The following CCSER2 variants were observed in gnomAD, a reference collection of about 807,000 sequenced individuals.
CCSER2 encodes the protein coiled-coil serine rich protein 2.
CCSER2 carries 46 observed loss-of-function variants against 92.3 expected under a neutral mutation model. That is an observed-to-expected ratio of 0.50 (90% CI 0.39 to 0.64). CCSER2 has a LOEUF of 0.64. CCSER2 is among the 30% of genes least tolerant of loss of function. The probability of loss-of-function intolerance (pLI) is 0.00; values close to 1 mark genes in which losing one functional copy is unlikely to be tolerated. For missense variants in CCSER2, 1,244 were observed against 1,238.9 expected (o/e 1.00, Z -0.06); for synonymous variants, 433 against 431.4 (o/e 1.00, Z -0.04).
At chr10:84,431,646 G>T (rs946445883) in intron 5 of CCSER2, among the ~76,000 whole-genome samples, 14 of 152,016 alleles carry the variant, frequency 9.2e-5, no homozygotes, top group Admixed American at 7.2e-4. Flanking sequence ...GGAGGCTGAG[G>T]TGGGGGGATC....
intron 6 of CCSER2, among the ~76,000 whole-genome samples, chr10:84,446,975 G>A (rs1479296242): frequency 2.7e-5 from 4 of 150,504 alleles, no homozygotes; most frequent in African/African-American, 9.8e-5. Flanking sequence ...ATCTATGAAC[G>A]AAACATAATA....
intron 3 of CCSER2, among the ~76,000 whole-genome samples, chr10:84,385,741 A>G (rs1035312488): frequency 3.3e-5 from 5 of 152,228 alleles, no homozygotes; most frequent in African/African-American, 1.2e-4. Flanking sequence ...CAAATCAAAA[A>G]TAGATAAATG....
At chr10:84,512,102 A>G (rs540303939) in intron 9 of CCSER2, among the ~76,000 whole-genome samples, 5 of 152,148 alleles carry the variant, frequency 3.3e-5, no homozygotes, top group South Asian at 2.1e-4. Flanking sequence ...GTCACTCCCA[A>G]TCCAGCCATA....
chr10:84,387,629 C>T (rs999994004), intron 3 of CCSER2, among the ~76,000 whole-genome samples: 10 of 151,306 alleles, frequency 6.6e-5, no homozygotes, highest in Middle Eastern at 3.2e-3. Flanking sequence ...CCTGGGTTCA[C>T]GCCATTCTCC....
chr10:84,483,997 A>C (rs1246358557), intron 9 of CCSER2, among the ~76,000 whole-genome samples: 1 of 75,538 alleles, frequency 1.3e-5, no homozygotes, highest in Non-Finnish European at 2.3e-5. Flanking sequence ...ATATATATAT[A>C]ATTTTTTTTT....
intron 6 of CCSER2, among the ~76,000 whole-genome samples, chr10:84,448,522 C>CTAA (rs1443961147): frequency 1.7e-4 from 26 of 152,016 alleles, no homozygotes; most frequent in African/African-American, 6.0e-4. Flanking sequence ...TCTGACTTAC[C>CTAA]TAATGGCTTG....
At chr10:84,429,872 G>GA (rs76476227) in intron 5 of CCSER2, among the ~76,000 whole-genome samples, 2,605 of 146,108 alleles carry the variant, frequency 0.018, 81 homozygotes, top group African/African-American at 0.058. Flanking sequence ...CAAAAAATTT[G>GA]AAAAAAAAAA....
intron 3 of CCSER2, chr10:84,391,325 C>T (rs548225283): frequency 3.5e-6 from 5 of 1,440,620 alleles, no homozygotes; most frequent in African/African-American, 1.4e-5. Context: ...ACTGAGTGGC[C>T]TGGCTGAAGG....
intron 3 of CCSER2, among the ~76,000 whole-genome samples, chr10:84,396,522 G>A (rs955203276): frequency 2.0e-5 from 3 of 151,744 alleles, no homozygotes; most frequent in Non-Finnish European, 2.9e-5. Context: ...TTCATTTGTT[G>A]CTGTTTGTAT....
In CCSER2 at chr10:84,373,589, T is replaced by G. The variant is rs374890039; in HGVS notation, c.1418-30T>G. The G allele has an allele frequency of 1.9e-5, 29 of 1,492,472 alleles. No homozygotes were observed. In the Middle Eastern group the frequency reaches 5.2e-4, roughly 27 times the overall value. 92.5% of individuals were successfully genotyped at this position (1,492,472 alleles called of 1,614,324 possible). On this transcript the variant is annotated intron_variant, in intron 2 of 9. Coordinates refer to ENST00000372088, the MANE Select transcript of CCSER2 (RefSeq NM_001284240.2). ...AGGACACGAGAAACAATTATATTTT[T>G]GTGAATCAGTAACCTTTTTTCTCTT...
intron 3 of CCSER2, among the ~76,000 whole-genome samples, chr10:84,393,116 T>G (rs1406115245): frequency 1.3e-5 from 2 of 152,098 alleles, no homozygotes; most frequent in Non-Finnish European, 1.5e-5. Context: ...TTATTTTCAT[T>G]AAGAATATAG....
At chr10:84,410,987 G>A (rs1045626225) in intron 3 of CCSER2, among the ~76,000 whole-genome samples, 3 of 152,188 alleles carry the variant, frequency 2.0e-5, no homozygotes, top group Non-Finnish European at 4.4e-5. Context: ...CGTATGACCA[G>A]CCAGTTCTTC....
chr10:84,336,745 C>T (rs1324527387), intron 1 of CCSER2, among the ~76,000 whole-genome samples: 1 of 152,176 alleles, frequency 6.6e-6, no homozygotes, highest in African/African-American at 2.4e-5. Context: ...GGTGGGGAGC[C>T]ACCAGAGTTT....
intron 7 of CCSER2, among the ~76,000 whole-genome samples, chr10:84,470,013 ATTTTT>A (rs67106487): frequency 6.2e-5 from 6 of 96,514 alleles, no homozygotes; most frequent in African/African-American, 8.0e-5. Flanking sequence ...TTTGTATGTG[ATTTTT>A]TTTTTTTTTT....
At chr10:84,493,363 G>A (rs541128090) in intron 9 of CCSER2, among the ~76,000 whole-genome samples, 60 of 152,070 alleles carry the variant, frequency 3.9e-4, no homozygotes, top group Non-Finnish European at 7.5e-4. Context: ...AGTCTTGCTA[G>A]TGGTTTGTCA....
chr10:84,388,198 T>A (rs1357511124), intron 3 of CCSER2, among the ~76,000 whole-genome samples: 1 of 152,224 alleles, frequency 6.6e-6, no homozygotes, highest in Non-Finnish European at 1.5e-5. Context: ...TTTATGCCCC[T>A]TTAACTCAGG....
At chr10:84,368,617 C>T (rs564913296) in intron 1 of CCSER2, among the ~76,000 whole-genome samples, 10 of 152,058 alleles carry the variant, frequency 6.6e-5, no homozygotes, top group South Asian at 2.1e-4. Flanking sequence ...TAAGGTTTTT[C>T]GAATGTCTTC....
At chr10:84,385,033 A>ACACACACACACC (rs1491585087) in intron 3 of CCSER2, among the ~76,000 whole-genome samples, 5 of 151,668 alleles carry the variant, frequency 3.3e-5, no homozygotes, top group Admixed American at 1.3e-4. Context: ...ACACACACAC[A>ACACACACACACC]CCCAGGAATA....
chr10:84,358,648 GTATATATATATACATATACATATATGTA>G (rs1564595349), intron 1 of CCSER2, among the ~76,000 whole-genome samples: 1 of 146,310 alleles, frequency 6.8e-6, no homozygotes, highest in Admixed American at 6.9e-5. Flanking sequence ...GTATATATGT[GTATATATATATACATATACATATATGTA>G]TATATATATA....
Sources: allele counts gnomAD v4.1 joint callset (sites outside exome capture counted in the v4.1 genomes callset), GRCh38; gene constraint gnomAD v4.1.1; transcripts MANE v1.5; gene names NCBI Gene and HGNC (gene_info 2026-07-23, HGNC 2026-07-21).